Variants in PDE8B observed in about 807,000 individuals in gnomAD.
The protein encoded by PDE8B is phosphodiesterase 8B.
A neutral mutation model predicts 101.3 loss-of-function variants in PDE8B; 26 were observed. That is an observed-to-expected ratio of 0.26 (90% confidence interval 0.19 to 0.36). The LOEUF is 0.36. Ranked by LOEUF, PDE8B falls within the 10% of genes least tolerant of loss-of-function variation. The probability of loss-of-function intolerance (pLI) is 1.00; values close to 1 mark genes in which losing one functional copy is unlikely to be tolerated. For synonymous variants in PDE8B, 424 were observed against 429.3 expected, an observed-to-expected ratio of 0.99 and a Z score of 0.15; for missense variants, 810 against 1,163.1, an observed-to-expected ratio of 0.70 and a Z score of 4.42.
At chr5:77,291,473 T>C in intron 1 of PDE8B, 1 of 1,610,714 alleles carries the variant, frequency 6.2e-7, no homozygotes, top group South Asian at 1.1e-5. Context: ...AGACTTTTGC[T>C]CCGATTCTGT....
intron 1 of PDE8B, among the ~76,000 whole-genome samples, chr5:77,263,093 T>C (rs1180251213): frequency 6.6e-6 from 1 of 152,222 alleles, no homozygotes; most frequent in Non-Finnish European, 1.5e-5. Flanking sequence ...GACAGTGTTA[T>C]AAGGTTTCAC....
chr5:77,404,207 C>T (rs998484066), intron 11 of PDE8B, among the ~76,000 whole-genome samples: 3 of 152,224 alleles, frequency 2.0e-5, no homozygotes, highest in Admixed American at 6.5e-5. Flanking sequence ...AGGGTGGTCT[C>T]GAACTCCTGA....
chr5:77,404,653 T>A, intron 11 of PDE8B, 67 bp from the exon 12 acceptor site: 2 of 924,174 alleles, frequency 2.2e-6, no homozygotes, highest in South Asian at 2.6e-5. Flanking sequence ...AGAAAAAACA[T>A]GTTTGAATCT....
chr5:77,148,876 T>C, the PDE8B span, among the ~76,000 whole-genome samples: 5 of 152,212 alleles, frequency 3.3e-5, no homozygotes, highest in Non-Finnish European at 7.3e-5. Context: ...AAGTTTGATT[T>C]TGATGAAGTC....
the PDE8B span, among the ~76,000 whole-genome samples, chr5:77,159,447 A>G: frequency 6.6e-6 from 1 of 152,100 alleles, no homozygotes; most frequent in African/African-American, 2.4e-5. Flanking sequence ...CCTGTGCTGG[A>G]TGCTTCCTGC....
chr5:77,116,224 A>ATATATATATATATATATTTTTTTT, the PDE8B span, among the ~76,000 whole-genome samples: 1 of 59,606 alleles, frequency 1.7e-5, no homozygotes, highest in African/African-American at 7.2e-5. Flanking sequence ...ATATATATAT[A>ATATATATATATATATATTTTTTTT]TTTTTTTTTT....
the PDE8B span, chr5:77,145,327 G>A: frequency 1.3e-5 from 2 of 152,272 alleles, no homozygotes; most frequent in African/African-American, 4.8e-5. Context: ...GGGAAGAACT[G>A]TTAAACAAAA....
At chr5:77,128,379 G>A in the PDE8B span, among the ~76,000 whole-genome samples, 1 of 152,204 alleles carries the variant, frequency 6.6e-6, no homozygotes, top group African/African-American at 2.4e-5. Context: ...CCCAAGGGCT[G>A]GCTGATGGGG....
At chr5:77,335,955 A>G (rs997077234) in intron 5 of PDE8B, among the ~76,000 whole-genome samples, 1 of 152,080 alleles carries the variant, frequency 6.6e-6, no homozygotes, top group East Asian at 1.9e-4. Flanking sequence ...TCAATTTCCT[A>G]TATACCCTAC....
At chr5:77,413,509 T>A (rs1162684069) in intron 17 of PDE8B, among the ~76,000 whole-genome samples, 200 bp downstream of exon 17, 1 of 152,172 alleles carries the variant, frequency 6.6e-6, no homozygotes, top group Non-Finnish European at 1.5e-5. Context: ...CTCCTCCAAA[T>A]ACTTAAAATA....
At chr5:77,097,736 T>C in the PDE8B span, among the ~76,000 whole-genome samples, 603 of 98,048 alleles carry the variant, frequency 6.2e-3, 25 homozygotes, top group African/African-American at 0.018. Flanking sequence ...TATATATACA[T>C]ACATATGACC....
intron 21 of PDE8B, 176 bp downstream of exon 21, chr5:77,426,072 A>G (rs1013603486): frequency 3.0e-5 from 20 of 674,902 alleles, no homozygotes; most frequent in South Asian, 2.1e-4. Context: ...CAGCTGGCAC[A>G]GAAGCTTGTG....
At chr5:77,248,611 A>G (rs897663954) in intron 1 of PDE8B, among the ~76,000 whole-genome samples, 1 of 152,202 alleles carries the variant, frequency 6.6e-6, no homozygotes, top group African/African-American at 2.4e-5. Context: ...TGACACACTA[A>G]CAACACATCA....
At chr5:77,183,245 G>A in the PDE8B span, among the ~76,000 whole-genome samples, 2 of 151,818 alleles carry the variant, frequency 1.3e-5, no homozygotes, top group African/African-American at 2.4e-5. Context: ...TTAGCCTCCC[G>A]AGTAGTTGGG....
At chr5:77,288,637 T>C (rs1444042902) in intron 1 of PDE8B, among the ~76,000 whole-genome samples, 1 of 152,184 alleles carries the variant, frequency 6.6e-6, no homozygotes, top group East Asian at 1.9e-4. Flanking sequence ...TACAGCAGCC[T>C]GCATGCCCAG....
intron 1 of PDE8B, among the ~76,000 whole-genome samples, chr5:77,309,240 G>A (rs1385036420): frequency 1.5e-5 from 2 of 137,808 alleles, no homozygotes; most frequent in Non-Finnish European, 1.6e-5. Flanking sequence ...GGAGGGAGGG[G>A]TGGGGAGGGG....
At chr5:77,167,480 G>A in the PDE8B span, among the ~76,000 whole-genome samples, 1 of 152,212 alleles carries the variant, frequency 6.6e-6, no homozygotes, top group Admixed American at 6.5e-5. Flanking sequence ...TTTAGATTGT[G>A]TATAGAATAT....
upstream of PDE8B, among the ~76,000 whole-genome samples, chr5:77,208,472 T>C (rs1747683579): frequency 6.6e-6 from 1 of 152,226 alleles, no homozygotes; most frequent in African/African-American, 2.4e-5. Context: ...ACTAGTGTTT[T>C]TGCAATTTAA....
At chr5:77,393,676 T>G (rs1790425936) in intron 10 of PDE8B, among the ~76,000 whole-genome samples, 2 of 152,218 alleles carry the variant, frequency 1.3e-5, no homozygotes, top group Non-Finnish European at 2.9e-5. Context: ...TTGCTGGAAC[T>G]TTATAAGGAA....
Sources: allele counts gnomAD v4.1 joint callset (sites outside exome capture counted in the v4.1 genomes callset), GRCh38; gene constraint gnomAD v4.1.1; transcripts MANE v1.5; gene names NCBI Gene and HGNC (gene_info 2026-07-23, HGNC 2026-07-21).